Variants in LCLAT1 observed in about 807,000 individuals in gnomAD.
LCLAT1 encodes the protein lysocardiolipin acyltransferase 1, also known as 1-AGP acyltransferase 8.
A neutral mutation model predicts 30.7 loss-of-function variants in LCLAT1; 11 were observed. The observed-to-expected ratio is 0.36, with a 90% CI of 0.23 to 0.59. The LOEUF is 0.59. Ranked by LOEUF, LCLAT1 falls within the 20% of genes least tolerant of loss-of-function variation. The pLI, the probability that LCLAT1 is intolerant of heterozygous loss-of-function variation, is 0.77. For synonymous variants in LCLAT1, 155 were observed against 151.3 expected, an observed-to-expected ratio of 1.02 and a Z score of -0.18; for missense variants, 402 against 458.6, an observed-to-expected ratio of 0.88 and a Z score of 1.13.
intron 1 of LCLAT1, among the ~76,000 whole-genome samples, chr2:30,463,794 T>C (rs1414698404): frequency 6.6e-6 from 1 of 152,224 alleles, no homozygotes; most frequent in East Asian, 1.9e-4. Context: ...CCCATGGATA[T>C]TAGATGACTG....
intron 1 of LCLAT1, among the ~76,000 whole-genome samples, chr2:30,500,766 T>C (rs1207528044): frequency 6.6e-6 from 1 of 152,210 alleles, no homozygotes; most frequent in East Asian, 1.9e-4. Context: ...GAATGACAGA[T>C]ATGAAACTAG....
intron 1 of LCLAT1, among the ~76,000 whole-genome samples, chr2:30,509,879 T>C (rs1171988070): frequency 6.6e-6 from 1 of 152,144 alleles, no homozygotes; most frequent in Non-Finnish European, 1.5e-5. Flanking sequence ...GAGTGCTATA[T>C]GACAGATAAA....
chr2:30,509,573 C>CT (rs531196453), intron 1 of LCLAT1, among the ~76,000 whole-genome samples: 19,233 of 149,078 alleles, frequency 0.13, 1,355 homozygotes, highest in South Asian at 0.24. Flanking sequence ...AAGCAGAATA[C>CT]TTTTTTTTTT....
At position 30,452,510 on chromosome 2, in the gene LCLAT1, A is replaced by AT. The variant is rs1305635094; in HGVS notation, c.-5+5129dup. On this transcript the variant is annotated intron_variant, in intron 1 of 5. Coordinates refer to ENST00000379509, the MANE Select transcript of LCLAT1 (RefSeq NM_001002257.3). The stretch of plus-strand genomic sequence containing the variant: ...AAATTATGCCCCAAGCACTCCACAT[A>AT]TTCATTAGTTTTTGTCCTAAGAATT... Among the ~76,000 whole-genome samples the AT allele has an allele frequency of 2.6e-5, 4 of 152,306 alleles. No homozygotes were observed. The East Asian group carries it at 7.7e-4, about 29-fold the overall frequency.
intron 1 of LCLAT1, among the ~76,000 whole-genome samples, chr2:30,513,993 C>G (rs2148362939): frequency 6.6e-6 from 1 of 152,334 alleles, no homozygotes; most frequent in South Asian, 2.1e-4. Context: ...TGTTCTCAAC[C>G]TTGGTAAAAT....
chr2:30,597,716 A>G (rs552885046), intron 5 of LCLAT1, among the ~76,000 whole-genome samples: 2 of 152,018 alleles, frequency 1.3e-5, no homozygotes, highest in African/African-American at 4.8e-5. Context: ...ATCCTTGTTT[A>G]TGCTGGTTTT....
chr2:30,491,364 C>A (rs975336583), intron 1 of LCLAT1, among the ~76,000 whole-genome samples: 1 of 152,198 alleles, frequency 6.6e-6, no homozygotes, highest in Non-Finnish European at 1.5e-5. Flanking sequence ...TAACTCAATA[C>A]TTATCCTAAG....
At chr2:30,552,315 G>A (rs1198103165) in intron 3 of LCLAT1, among the ~76,000 whole-genome samples, 2 of 152,194 alleles carry the variant, frequency 1.3e-5, no homozygotes, top group African/African-American at 4.8e-5. Flanking sequence ...CTGTCTGCAT[G>A]TGTATATGAT....
At chr2:30,464,166 G>A (rs1196579453) in intron 1 of LCLAT1, among the ~76,000 whole-genome samples, 1 of 152,030 alleles carries the variant, frequency 6.6e-6, no homozygotes, top group Non-Finnish European at 1.5e-5. Context: ...TGGAAACATG[G>A]TGTCATGCTA....
At chr2:30,545,338 T>C (rs1181252730) in intron 3 of LCLAT1, among the ~76,000 whole-genome samples, 1 of 152,132 alleles carries the variant, frequency 6.6e-6, no homozygotes, top group Non-Finnish European at 1.5e-5. Flanking sequence ...GTATTTAAGA[T>C]TGCTATGCGC....
At chr2:30,586,094 AT>A (rs1666422040) in intron 5 of LCLAT1, among the ~76,000 whole-genome samples, 3 of 152,210 alleles carry the variant, frequency 2.0e-5, no homozygotes, top group South Asian at 2.1e-4. Context: ...ATACAAAAAA[AT>A]TAGCCAGACG....
chr2:30,629,850 T>C (rs929287444), intron 5 of LCLAT1, among the ~76,000 whole-genome samples: 3 of 152,192 alleles, frequency 2.0e-5, no homozygotes, highest in African/African-American at 7.2e-5. Flanking sequence ...ATCTATAACA[T>C]GTTTTAGAAA....
intron 3 of LCLAT1, among the ~76,000 whole-genome samples, chr2:30,554,038 T>A (rs1044839839): frequency 8.5e-5 from 13 of 152,178 alleles, no homozygotes; most frequent in African/African-American, 2.9e-4. Context: ...TTCCTGTGAT[T>A]TTTTTATCGG....
intron 3 of LCLAT1, among the ~76,000 whole-genome samples, chr2:30,547,821 T>C (rs1038588861): frequency 9.9e-5 from 15 of 152,128 alleles, no homozygotes; most frequent in Non-Finnish European, 2.2e-4. Context: ...TTTAGATTGG[T>C]ATTCTGTTAT....
In LCLAT1 at chr2:30,642,638, GGT is replaced by G. The variant is rs1468126467; in HGVS notation, c.*2022_*2023del. The G allele has an allele frequency of 6.6e-6, 1 of 151,832 alleles. No individual in the cohort carries two copies. Among genetic ancestry groups the G allele is most frequent in the Non-Finnish European group, 1.5e-5 (1 of 67,954 alleles). The allele number at this position is 151,832 out of a possible 1,614,324, so 9.4% of individuals were successfully genotyped here. ...CAAACTCAAGAGGCTCATTGTTCAA[GGT>G]GTAACAACATTTAATTGCATGTCCT... is the stretch of plus-strand genomic sequence containing the variant. On this transcript the variant is annotated 3_prime_UTR_variant, in exon 6 of 6. Coordinates refer to ENST00000379509, the MANE Select transcript of LCLAT1 (RefSeq NM_001002257.3).
At chr2:30,589,466 A>G (rs199715172) in intron 5 of LCLAT1, among the ~76,000 whole-genome samples, 1,642 of 144,486 alleles carry the variant, frequency 0.011, 15 homozygotes, top group African/African-American at 0.03. Context: ...TGTTGAGGGG[A>G]AAAAAAAAAA....
chr2:30,533,149 A>G lies in LCLAT1; in HGVS notation c.199A>G (p.Ile67Val), dbSNP rs1686061924. 6.2e-7 allele frequency: 1 copy of G among 1,614,008 alleles called. No homozygotes were observed. Among genetic ancestry groups the G allele is most frequent in the Admixed American group, 1.7e-5 (1 of 60,024 alleles). Residue 67 changes from isoleucine (I) to valine (V), a missense_variant, in exon 3 of 6, where the codon ATT (isoleucine) becomes GTT (valine). Ile to Val is a conservative substitution (Grantham distance 29, BLOSUM62 3). Coordinates refer to ENST00000379509, the MANE Select transcript of LCLAT1 (RefSeq NM_001002257.3). ...LLETMFGVKV[I>V]ITGDAFVPGE... Reference sequence around the variant, plus strand: ...GGAGACCATGTTTGGTGTAAAAGTGATTATAACTGGGGATGCATTTGTTCC... The same window carrying G: ...GGAGACCATGTTTGGTGTAAAAGTGGTTATAACTGGGGATGCATTTGTTCC...
chr2:30,622,801 A>G (rs900567715), intron 5 of LCLAT1, among the ~76,000 whole-genome samples: 1 of 152,146 alleles, frequency 6.6e-6, no homozygotes, highest in Non-Finnish European at 1.5e-5. Flanking sequence ...AAGAATCTGA[A>G]CAGCAGCTCT....
chr2:30,474,620 T>C (rs920706001), intron 1 of LCLAT1, among the ~76,000 whole-genome samples: 1 of 151,412 alleles, frequency 6.6e-6, no homozygotes, highest in African/African-American at 2.4e-5. Context: ...GAATGAACAG[T>C]TTTAATGATT....
Sources: allele counts gnomAD v4.1 joint callset (sites outside exome capture counted in the v4.1 genomes callset), GRCh38; gene constraint gnomAD v4.1.1; transcripts MANE v1.5; gene names NCBI Gene and HGNC (gene_info 2026-07-23, HGNC 2026-07-21).